The following TPD52 variants were observed in gnomAD, a reference collection of about 807,000 sequenced individuals.
TPD52 encodes tumor protein D52.
Under a neutral mutation model 31.3 loss-of-function variants are expected in TPD52, and 17 were observed. The observed-to-expected ratio is 0.54, with a 90% CI of 0.37 to 0.82. The LOEUF is 0.82. Among genes scored for constraint, TPD52 ranks in the 40% least tolerant of loss-of-function variants. TPD52 has a pLI of 0.00. For missense variants in TPD52, 212 were observed against 240.1 expected (o/e 0.88, Z 0.77); for synonymous variants, 83 against 89.6 (o/e 0.93, Z 0.42).
intron 1 of TPD52, among the ~76,000 whole-genome samples, chr8:80,111,476 C>T (rs1807491749): frequency 6.6e-6 from 1 of 152,014 alleles, no homozygotes; most frequent in Admixed American, 6.6e-5. Flanking sequence ...GAAAAACCCC[C>T]ATGTACTGGT....
intron 1 of TPD52, among the ~76,000 whole-genome samples, chr8:80,101,085 C>T (rs1806696244): frequency 6.6e-6 from 1 of 152,050 alleles, no homozygotes; most frequent in Non-Finnish European, 1.5e-5. Context: ...GGGACCCAGA[C>T]AACAACATAT....
intron 7 of TPD52, among the ~76,000 whole-genome samples, chr8:80,039,288 T>G (rs1183037878): frequency 6.6e-6 from 1 of 152,230 alleles, no homozygotes; most frequent in Non-Finnish European, 1.5e-5. Flanking sequence ...ACTGAACTCC[T>G]TCCCCCGACA....
At chr8:80,069,440 G>C (rs1813519340) in intron 1 of TPD52, among the ~76,000 whole-genome samples, 1 of 151,838 alleles carries the variant, frequency 6.6e-6, no homozygotes, top group Non-Finnish European at 1.5e-5. Context: ...ACTCCAGCCT[G>C]GGCAACAGAG....
At chr8:80,170,117 A>G (rs1811980002) in intron 1 of TPD52, among the ~76,000 whole-genome samples, 1 of 152,196 alleles carries the variant, frequency 6.6e-6, no homozygotes, top group African/African-American at 2.4e-5. Context: ...TTACAAGTAA[A>G]TGAAAGTAAA....
intron 1 of TPD52, among the ~76,000 whole-genome samples, chr8:80,077,199 C>T (rs933723057): frequency 1.3e-4 from 20 of 151,156 alleles, no homozygotes; most frequent in African/African-American, 4.6e-4. Context: ...CGCTTAAACC[C>T]GGGAAGCAGA....
chr8:80,055,626 T>C (rs1396776066), intron 2 of TPD52, among the ~76,000 whole-genome samples: 1 of 152,164 alleles, frequency 6.6e-6, no homozygotes, highest in African/African-American at 2.4e-5. Flanking sequence ...GAGAGAACAT[T>C]TGCAAACTAT....
chr8:80,111,564 C>T (rs1449319416), intron 1 of TPD52, among the ~76,000 whole-genome samples: 1 of 152,170 alleles, frequency 6.6e-6, no homozygotes, highest in African/African-American at 2.4e-5. Flanking sequence ...TATCTCTACA[C>T]TTACAAAGAC....
chr8:80,100,793 C>G (rs994793062), intron 1 of TPD52, among the ~76,000 whole-genome samples: 4 of 152,160 alleles, frequency 2.6e-5, no homozygotes, highest in Admixed American at 2.6e-4. Flanking sequence ...GAGAGAGGTT[C>G]CCTCTTTCCC....
chr8:80,160,977 G>C (rs1811322528), intron 1 of TPD52, among the ~76,000 whole-genome samples: 1 of 150,840 alleles, frequency 6.6e-6, no homozygotes, highest in African/African-American at 2.4e-5. Flanking sequence ...CACGAGAATT[G>C]CTTGAGCCTG....
intron 1 of TPD52, among the ~76,000 whole-genome samples, chr8:80,147,838 GCACACA>G (rs146918401): frequency 1.4e-5 from 2 of 148,068 alleles, no homozygotes; most frequent in Non-Finnish European, 3.0e-5. Flanking sequence ...ACACACACAC[GCACACA>G]CACACACACA....
intron 1 of TPD52, among the ~76,000 whole-genome samples, chr8:80,114,997 G>A (rs1332220120): frequency 6.6e-6 from 1 of 152,174 alleles, no homozygotes; most frequent in African/African-American, 2.4e-5. Context: ...GGGATTTGAG[G>A]TACATCTGTA....
chr8:80,131,798 G>A (rs996965338), intron 1 of TPD52, among the ~76,000 whole-genome samples: 1 of 152,102 alleles, frequency 6.6e-6, no homozygotes, highest in Non-Finnish European at 1.5e-5. Context: ...ATACTGAATA[G>A]CGTAAAACTA....
chr8:80,072,065 CT>C lies in TPD52; in HGVS notation c.20-7473del, dbSNP rs202004341. Among the ~76,000 whole-genome samples, 1,281 of 152,318 alleles carry C rather than the reference CT, an allele frequency of 8.4e-3. 23 individuals carry two copies. Among genetic ancestry groups the C allele is most frequent in the African/African-American group, 0.029 (1,220 of 41,560 alleles). On this transcript the variant is annotated intron_variant, in intron 1 of 7. Transcript: ENST00000518937. Reference sequence around the variant, plus strand: ...GTGGCTCACGCCTGTAATCCCAGCACTTTGGGAGACCCAGGCAGGCGGATCA... The same window carrying C: ...GTGGCTCACGCCTGTAATCCCAGCACTTGGGAGACCCAGGCAGGCGGATCA...
At chr8:80,170,600 T>A (rs1812013432) in intron 1 of TPD52, among the ~76,000 whole-genome samples, 1 of 152,208 alleles carries the variant, frequency 6.6e-6, no homozygotes, top group African/African-American at 2.4e-5. Flanking sequence ...CAAGATTACC[T>A]ACCTTGTTTT....
At chr8:80,081,965 G>A (rs1431970956) in intron 1 of TPD52, among the ~76,000 whole-genome samples, 1 of 152,024 alleles carries the variant, frequency 6.6e-6, no homozygotes, top group Admixed American at 6.6e-5. Context: ...CACCCACTAT[G>A]CCCGGCTAAT....
rs951995846 is a variant in TPD52, at chr8:80,036,990, C to A, written c.*1126G>T. 7.2e-5 allele frequency: 11 copies of A among 152,444 alleles called. No individual in the cohort carries two copies. Among genetic ancestry groups the A allele is most frequent in the Admixed American group, 3.3e-4 (5 of 15,286 alleles). 9.4% of individuals were successfully genotyped at this position (152,444 alleles called of 1,614,324 possible). A position where few individuals can be genotyped will look rare whatever the true frequency, so the allele number is the denominator to read the frequency against. ...TGTCTAGACACTTTGATTCACTCAG[C>A]CCTGACATTCAGTTTTCAAAGTAGG... On this transcript the variant is annotated 3_prime_UTR_variant, in exon 8 of 8. Transcript: ENST00000518937.
intron 2 of TPD52, among the ~76,000 whole-genome samples, chr8:80,054,897 A>G (rs181630559): frequency 1.8e-4 from 28 of 152,332 alleles, no homozygotes; most frequent in Admixed American, 1.6e-3. Context: ...TAAGATGTAC[A>G]TTGACGAAGT....
chr8:80,084,827 C>T (rs751696687), intron 1 of TPD52, among the ~76,000 whole-genome samples: 10 of 152,152 alleles, frequency 6.6e-5, no homozygotes, highest in Non-Finnish European at 1.3e-4. Context: ...AGTTCCTACC[C>T]ATTTAGCAAG....
intron 1 of TPD52, among the ~76,000 whole-genome samples, chr8:80,105,702 G>C (rs1466898590): frequency 6.7e-6 from 1 of 148,716 alleles, no homozygotes; most frequent in Non-Finnish European, 1.5e-5. Context: ...CTCCCAAAAT[G>C]CTAGGATTAC....
Sources: gnomAD v4.1 joint callset for allele counts (sites outside exome capture counted in the v4.1 genomes callset) on GRCh38, gnomAD v4.1.1 for gene constraint, MANE v1.5 for transcripts, NCBI Gene and HGNC (gene_info 2026-07-23, HGNC 2026-07-21) for gene names.